Variants in DSCAM observed in about 807,000 individuals in gnomAD.
The protein encoded by DSCAM is cell adhesion molecule DSCAM.
A neutral mutation model predicts 217.7 loss-of-function variants in DSCAM; 47 were observed. The ratio of observed to expected loss-of-function variants is 0.22; its 90% CI spans 0.17 to 0.28. The LOEUF is 0.28. DSCAM is among the 10% of genes least tolerant of loss of function. The pLI is 1.00. For synonymous variants in DSCAM, 1,056 were observed against 1,015.3 expected (o/e 1.04, Z -0.76); for missense variants, 2,080 against 2,618.3 (o/e 0.79, Z 4.49).
chr21:40,095,868 G>C (rs982874522), intron 20 of DSCAM, among the ~76,000 whole-genome samples: 1 of 152,108 alleles, frequency 6.6e-6, no homozygotes, highest in African/African-American at 2.4e-5. Context: ...AATTTAAGTA[G>C]ATATGATACA....
At chr21:40,328,321 C>T (rs1018249688) in intron 8 of DSCAM, among the ~76,000 whole-genome samples, 5 of 152,010 alleles carry the variant, frequency 3.3e-5, no homozygotes, top group African/African-American at 1.2e-4. Flanking sequence ...GGTAAATCCA[C>T]ACATTTACAG....
intron 1 of DSCAM, among the ~76,000 whole-genome samples, chr21:40,721,981 C>T (rs1314053812): frequency 1.3e-5 from 2 of 151,880 alleles, no homozygotes; most frequent in East Asian, 3.9e-4. Flanking sequence ...GACTTCTCAT[C>T]AGAAACAACG....
intron 1 of DSCAM, among the ~76,000 whole-genome samples, chr21:40,746,529 CTGGGACTCTCAATATT>C (rs1569015696): frequency 6.6e-6 from 1 of 151,796 alleles, no homozygotes; most frequent in Non-Finnish European, 1.5e-5. Flanking sequence ...GCACCCAAAA[CTGGGACTCTCAATATT>C]TGAGACCCTC....
chr21:40,666,632 G>A (rs1006296063), intron 3 of DSCAM, among the ~76,000 whole-genome samples: 16 of 152,186 alleles, frequency 1.1e-4, no homozygotes, highest in African/African-American at 3.1e-4. Flanking sequence ...TAAAGCCCCC[G>A]GTGGTTGTTT....
At chr21:40,240,167 C>T (rs75296609) in intron 11 of DSCAM, among the ~76,000 whole-genome samples, 6,480 of 152,130 alleles carry the variant, frequency 0.043, 388 homozygotes, top group East Asian at 0.22. Flanking sequence ...TGGGCAGCAC[C>T]GATCTATACA....
intron 10 of DSCAM, among the ~76,000 whole-genome samples, chr21:40,280,078 T>G (rs375512412): frequency 3.3e-5 from 5 of 151,686 alleles, no homozygotes; most frequent in South Asian, 2.1e-4. Context: ...TTTATACCTA[T>G]GTAACAAACC....
At chr21:40,270,743 T>TG (rs1601504122) in intron 11 of DSCAM, among the ~76,000 whole-genome samples, 1 of 151,654 alleles carries the variant, frequency 6.6e-6, no homozygotes, top group Non-Finnish European at 1.5e-5. Flanking sequence ...AGCTTCACCA[T>TG]GGGGGGCAGC....
chr21:40,242,038 C>T (rs2073159774), intron 11 of DSCAM, among the ~76,000 whole-genome samples: 1 of 152,016 alleles, frequency 6.6e-6, no homozygotes, highest in South Asian at 2.1e-4. Context: ...GAAAAGACAA[C>T]CATTGGGTAC....
chr21:40,534,674 G>A (rs16999939), intron 3 of DSCAM, among the ~76,000 whole-genome samples: 3 of 152,046 alleles, frequency 2.0e-5, no homozygotes, highest in African/African-American at 7.3e-5. Context: ...TGAAGAGCAG[G>A]TATCTTGCTT....
intron 3 of DSCAM, among the ~76,000 whole-genome samples, chr21:40,377,198 T>C (rs968636997): frequency 1.3e-5 from 2 of 152,234 alleles, no homozygotes; most frequent in Non-Finnish European, 2.9e-5. Flanking sequence ...AGGAAGATAC[T>C]GTTATTCCCA....
chr21:40,804,544 C>T (rs2091769455), intron 1 of DSCAM, among the ~76,000 whole-genome samples: 1 of 152,106 alleles, frequency 6.6e-6, no homozygotes, highest in African/African-American at 2.4e-5. Context: ...GCACACCTTC[C>T]TGGAGAAGAT....
rs922408934 is a variant in DSCAM at position 40,820,368 on chromosome 21, C to G, written c.43+26251G>C. ...AGCAAACTAACCCAGGAACAGAAAA[C>G]CAAACACTGCATGTTCTCACTCGTA... On this transcript the variant is annotated intron_variant, in intron 1 of 32. Coordinates refer to ENST00000400454, the MANE Select transcript of DSCAM (RefSeq NM_001389.5). Among the ~76,000 whole-genome samples, 3 of 152,152 alleles carry G rather than the reference C, an allele frequency of 2.0e-5. No individual in the cohort carries two copies. The East Asian group carries it at 5.8e-4, about 29-fold the overall frequency.
At position 40,685,363 on chromosome 21, in the gene DSCAM, A is replaced by T. The variant is rs147251703; in HGVS notation, c.508+7447T>A. The stretch of plus-strand genomic sequence containing the variant: ...CACCCTTAGAGTGGCTCACTGCCTG[A>T]ACTGCATAAGCAATACAGTTCATGA... On this transcript the variant is annotated intron_variant, in intron 3 of 32. Coordinates refer to ENST00000400454, the MANE Select transcript of DSCAM (RefSeq NM_001389.5). Among the ~76,000 whole-genome samples, 26 of 152,246 alleles carry T rather than the reference A, an allele frequency of 1.7e-4. No homozygotes were observed. In the East Asian group the frequency reaches 4.1e-3, roughly 24 times the overall value.
At chr21:40,204,045 A>G (rs1424640835) in intron 11 of DSCAM, among the ~76,000 whole-genome samples, 1 of 152,246 alleles carries the variant, frequency 6.6e-6, no homozygotes, top group Non-Finnish European at 1.5e-5. Flanking sequence ...TAAAAGATAA[A>G]AGGAAAACAG....
chr21:40,193,110 A>G (rs1183444841), intron 11 of DSCAM, among the ~76,000 whole-genome samples: 1 of 152,210 alleles, frequency 6.6e-6, no homozygotes, highest in Non-Finnish European at 1.5e-5. Context: ...TGAGGGAACA[A>G]GAACATTCCC....
chr21:40,321,052 G>T (rs2074253933), intron 8 of DSCAM, among the ~76,000 whole-genome samples: 1 of 152,176 alleles, frequency 6.6e-6, no homozygotes, highest in Admixed American at 6.5e-5. Context: ...TTACAAAATT[G>T]AATTATGAGA....
At chr21:40,597,627 C>T (rs1377676860) in intron 3 of DSCAM, among the ~76,000 whole-genome samples, 1 of 151,334 alleles carries the variant, frequency 6.6e-6, no homozygotes, top group Non-Finnish European at 1.5e-5. Flanking sequence ...CCCCCTCAGC[C>T]TCCCAAGTAG....
chr21:40,734,835 G>A (rs1015852), intron 1 of DSCAM, among the ~76,000 whole-genome samples: 46,830 of 152,010 alleles, frequency 0.31, 7,309 homozygotes, highest in South Asian at 0.39. Context: ...AGTCTCTACC[G>A]TCCCTCAGCT....
At chr21:40,616,648 G>GT (rs1469027678) in intron 3 of DSCAM, among the ~76,000 whole-genome samples, 4 of 152,116 alleles carry the variant, frequency 2.6e-5, no homozygotes, top group Non-Finnish European at 4.4e-5. Context: ...GCCACTGCGT[G>GT]TTTTTTCACT....
Sources: allele counts gnomAD v4.1 joint callset (sites outside exome capture counted in the v4.1 genomes callset), GRCh38; gene constraint gnomAD v4.1.1; transcripts MANE v1.5; gene names NCBI Gene and HGNC (gene_info 2026-07-23, HGNC 2026-07-21).